Variants in SH3BP4 observed in about 807,000 individuals in gnomAD.
SH3BP4 encodes the protein SH3 domain-binding protein 4.
A neutral mutation model predicts 65.5 loss-of-function variants in SH3BP4; 33 were observed. The ratio of observed to expected loss-of-function variants is 0.50; its 90% CI spans 0.38 to 0.67. The LOEUF is 0.67. SH3BP4 is among the 30% of genes least tolerant of loss of function. The pLI, the probability that SH3BP4 is intolerant of heterozygous loss-of-function variation, is 0.00. For synonymous variants in SH3BP4, 552 were observed against 545.5 expected (o/e 1.01, Z -0.17); for missense variants, 1,134 against 1,261.4 (o/e 0.90, Z 1.53).
At chr2:235,050,593 C>T (rs1413527832) in intron 4 of SH3BP4, among the ~76,000 whole-genome samples, 1 of 152,030 alleles carries the variant, frequency 6.6e-6, no homozygotes, top group East Asian at 1.9e-4. Context: ...TGGGGGCCCA[C>T]CTAGAAGGAT....
chr2:234,955,661 A>G (rs1692569397), intron 1 of SH3BP4, among the ~76,000 whole-genome samples: 1 of 152,204 alleles, frequency 6.6e-6, no homozygotes, highest in Non-Finnish European at 1.5e-5. Context: ...TTCCAGGTGA[A>G]CAGTGCCTCC....
At chr2:235,002,426 A>G (rs955772200) in intron 2 of SH3BP4, among the ~76,000 whole-genome samples, 6 of 152,152 alleles carry the variant, frequency 3.9e-5, no homozygotes, top group Non-Finnish European at 7.4e-5. Context: ...GCCTCAGAGA[A>G]GCTGAAGTCA....
chr2:235,040,846 C>T (rs745453122), intron 3 of SH3BP4, 42 bp from the exon 4 acceptor site: 18 of 1,563,342 alleles, frequency 1.2e-5, no homozygotes, highest in Admixed American at 3.4e-5. Flanking sequence ...GACACCCCGC[C>T]GGCCTTGCCC....
rs1211427419 is a variant in SH3BP4 at position 234,967,629 on chromosome 2, G to C, written c.-207+15459G>C. Among the ~76,000 whole-genome samples, 1 of 152,204 alleles carries C rather than the reference G, an allele frequency of 6.6e-6. No individual in the cohort carries two copies. The highest frequency in any genetic ancestry group is 1.9e-4 in the East Asian group (1 of 5,184). On this transcript the variant is annotated intron_variant, in intron 1 of 5. Transcript: ENST00000392011. The surrounding 1 kb of genome is among the most constrained non-coding windows in gnomAD (Gnocchi z 4.6). ...TTCTCATGGCTCCATATCCGCGTCA[G>C]GTTACCTCCTTCCCGTGCCTCCCTG...
intron 4 of SH3BP4, among the ~76,000 whole-genome samples, chr2:235,049,013 T>C (rs1559986): frequency 0.36 from 55,037 of 152,168 alleles, 10,173 homozygotes; most frequent in East Asian, 0.56. Flanking sequence ...CCAAAATTTG[T>C]CCTTTAAAAA....
chr2:235,018,311 A>G lies in SH3BP4; in HGVS notation c.-132-16560A>G, dbSNP rs181426650. On this transcript the variant is annotated intron_variant, in intron 2 of 5. Transcript: ENST00000392011. ...GGCTTGGTAGAGCAATAAATCAAAC[A>G]AAACAGCAGTCCCTGTGCCTATTTT... Among the ~76,000 whole-genome samples, 17 of 151,908 alleles carry G rather than the reference A, an allele frequency of 1.1e-4. No homozygotes were observed. The East Asian group carries it at 3.1e-3, about 28-fold the overall frequency.
At chr2:234,988,720 G>C (rs1036460031) in intron 1 of SH3BP4, among the ~76,000 whole-genome samples, 1 of 152,142 alleles carries the variant, frequency 6.6e-6, no homozygotes, top group Non-Finnish European at 1.5e-5. Context: ...CGGTGTGTAG[G>C]GGGGACGCAT....
At chr2:234,961,605 G>A (rs1193517746) in intron 1 of SH3BP4, among the ~76,000 whole-genome samples, 3 of 152,054 alleles carry the variant, frequency 2.0e-5, no homozygotes, top group Non-Finnish European at 2.9e-5. Flanking sequence ...GCTTGTCAGC[G>A]TGCAGTTCAT....
chr2:234,954,318 C>T (rs1692540468), intron 1 of SH3BP4, among the ~76,000 whole-genome samples: 1 of 152,064 alleles, frequency 6.6e-6, no homozygotes, highest in African/African-American at 2.4e-5. Flanking sequence ...CCCATGCCAC[C>T]CCCACAACAA....
At position 235,042,257 on chromosome 2, in the gene SH3BP4, G is replaced by C. The variant is rs1265862432; in HGVS notation, c.1488G>C (p.Gly496=). Residue 496 remains glycine (G), a synonymous_variant, in exon 4 of 6, where the codon GGG becomes GGC. Coordinates refer to ENST00000392011, the MANE Select transcript of SH3BP4 (RefSeq NM_014521.3). This position sits in a 1 kb window ranked among gnomAD's most constrained non-coding sequence, Gnocchi z 7.3. The part of the protein sequence containing the change: ...PSFKTVVTIF[G]HDCAPKTLLV... ...TCAAGACGGTAGTGACCATTTTTGG[G>C]CATGACTGTGCCCCAAAGACGCTCC... 3.1e-6 allele frequency: 5 copies of C among 1,614,086 alleles called. No homozygotes were observed. The highest frequency in any genetic ancestry group is 4.2e-6 in the Non-Finnish European group (5 of 1,180,030).
intron 2 of SH3BP4, among the ~76,000 whole-genome samples, chr2:235,014,499 T>A (rs1458385353): frequency 6.6e-6 from 1 of 152,162 alleles, no homozygotes; most frequent in Non-Finnish European, 1.5e-5. Flanking sequence ...GGGGCCACCA[T>A]AACAAAGCAC....
At chr2:235,020,030 A>G (rs537892654) in intron 2 of SH3BP4, among the ~76,000 whole-genome samples, 28 of 152,358 alleles carry the variant, frequency 1.8e-4, no homozygotes, top group Admixed American at 6.5e-4. Context: ...AGGGAGAGCC[A>G]CCGAATCTAG....
At chr2:235,000,502 G>A (rs1027886557) in intron 2 of SH3BP4, among the ~76,000 whole-genome samples, 7 of 152,138 alleles carry the variant, frequency 4.6e-5, no homozygotes, top group East Asian at 3.9e-4. Context: ...TCAATAACAC[G>A]GGGCCCCTCC....
intron 1 of SH3BP4, among the ~76,000 whole-genome samples, chr2:234,993,363 G>A (rs761607071): frequency 9.2e-5 from 14 of 152,176 alleles, no homozygotes; most frequent in South Asian, 2.1e-4. Context: ...GACGGCTTGC[G>A]ATGGACCCGC....
In SH3BP4 at chr2:235,042,227, A is replaced by G. The variant is rs139289502; in HGVS notation, c.1458A>G (p.Pro486=). 3.7e-4 allele frequency: 603 copies of G among 1,613,696 alleles called. No individual in the cohort carries two copies. The highest frequency in any genetic ancestry group is 4.8e-4 in the Non-Finnish European group (572 of 1,179,976). ...VGLYGPKHIH[P]SFKTVVTIFG... is the part of the protein sequence containing the mutation. ...TCTACGGCCCTAAACACATCCACCC[A>G]TCCTTCAAGACGGTAGTGACCATTT... The change falls in exon 4 of 6, where the codon CCA becomes CCG. Residue 486 remains proline, a synonymous_variant. Transcript: ENST00000392011. The surrounding 1 kb of genome is among the most constrained non-coding windows in gnomAD (Gnocchi z 7.3).
chr2:235,016,148 G>A (rs1198230159), intron 2 of SH3BP4, among the ~76,000 whole-genome samples: 1 of 127,436 alleles, frequency 7.8e-6, no homozygotes, highest in African/African-American at 2.9e-5. Flanking sequence ...GTGGGGGGAG[G>A]AGAAGTGAGG....
chr2:235,029,294 T>C (rs1406242665), intron 2 of SH3BP4, among the ~76,000 whole-genome samples: 1 of 149,240 alleles, frequency 6.7e-6, no homozygotes, highest in Non-Finnish European at 1.5e-5. Context: ...CTGAGATGGG[T>C]GAGGCCAGGG....
intron 2 of SH3BP4, among the ~76,000 whole-genome samples, chr2:235,014,193 G>A (rs1202179278): frequency 2.0e-5 from 3 of 152,142 alleles, no homozygotes; most frequent in Non-Finnish European, 2.9e-5. Flanking sequence ...GTTGCCTGCC[G>A]ACATCAGCCT....
chr2:235,038,368 T>TATATATAA (rs1695503944), intron 3 of SH3BP4, among the ~76,000 whole-genome samples: 1 of 10,184 alleles, frequency 9.8e-5, no homozygotes, highest in African/African-American at 9.0e-4. Flanking sequence ...ATATATATAA[T>TATATATAA]ATATATACAT....
Sources: gnomAD v4.1 joint callset for allele counts (sites outside exome capture counted in the v4.1 genomes callset) on GRCh38, gnomAD v4.1.1 for gene constraint, Gnocchi (gnomAD v3.1) non-coding constraint, MANE v1.5 for transcripts, NCBI Gene and HGNC (gene_info 2026-07-23, HGNC 2026-07-21) for gene names.